The following KCNN2 variants were observed in gnomAD, a reference collection of about 807,000 sequenced individuals.
KCNN2 encodes potassium calcium-activated channel subfamily N member 2.
KCNN2 carries 24 observed loss-of-function variants against 55.5 expected under a neutral mutation model. The observed-to-expected ratio is 0.43, with a 90% CI of 0.31 to 0.61. The LOEUF (loss-of-function observed/expected upper bound fraction) is 0.61, where lower values mean the gene tolerates loss of function less well. KCNN2 is among the 20% of genes least tolerant of loss of function. The pLI is 0.08. For synonymous variants in KCNN2, 431 were observed against 336.1 expected, an observed-to-expected ratio of 1.28 and a Z score of -3.09; for missense variants, 754 against 853.6, an observed-to-expected ratio of 0.88 and a Z score of 1.45.
Position 114,241,774 on chromosome 5 carries a change from A to ATGTGTG in KCNN2, c.-185+20209_-185+20210insTGTGTG, listed in dbSNP as rs1561537133. Among the ~76,000 whole-genome samples, 4 of 14,560 alleles carry ATGTGTG rather than the reference A, an allele frequency of 2.7e-4. 1 individual carries two copies. Among genetic ancestry groups the ATGTGTG allele is most frequent in the African/African-American group, 9.1e-4 (3 of 3,310 alleles). 9.6% of individuals were successfully genotyped at this position (14,560 alleles called of 152,430 possible). A position where few individuals can be genotyped will look rare whatever the true frequency, so the allele number is the denominator to read the frequency against. On this transcript the variant is annotated intron_variant, in intron 2 of 10. Coordinates refer to the KCNN2 transcript ENST00000512097. ...TATGTATATATATACGTATATATAT[A>ATGTGTG]CATATATACGTATATATATGTATAT...
chr5:114,485,327 G>A (rs1308490830), intron 5 of KCNN2, among the ~76,000 whole-genome samples: 1 of 152,124 alleles, frequency 6.6e-6, no homozygotes, highest in African/African-American at 2.4e-5. Flanking sequence ...GGTATCTACA[G>A]TTGCTTAGAG....
intron 5 of KCNN2, among the ~76,000 whole-genome samples, chr5:114,482,516 T>A: frequency 6.6e-6 from 1 of 152,142 alleles, no homozygotes; most frequent in East Asian, 1.9e-4. Flanking sequence ...CCCAGCAATC[T>A]CATTACTGGG....
chr5:114,137,137 C>G (rs1044685690), intron 1 of KCNN2, among the ~76,000 whole-genome samples: 1 of 152,150 alleles, frequency 6.6e-6, no homozygotes, highest in Non-Finnish European at 1.5e-5. Flanking sequence ...AGTCCTCCCC[C>G]TACGCTCCCT....
In KCNN2 at chr5:114,068,453, C is replaced by A. The variant is rs182597513; in HGVS notation, c.-271+11953C>A. Among the ~76,000 whole-genome samples the A allele has an allele frequency of 6.6e-5, 10 of 152,306 alleles. No individual in the cohort carries two copies. The East Asian group carries it at 1.7e-3, about 26-fold the overall frequency. Reference sequence around the variant, plus strand: ...TATTCACTATTTCAGATCAGCTTAGCCCTGTCTACACCTTGGCCTCACATT... The same window carrying A: ...TATTCACTATTTCAGATCAGCTTAGACCTGTCTACACCTTGGCCTCACATT... On this transcript the variant is annotated intron_variant, in intron 1 of 10. Transcript: ENST00000512097.
intron 2 of KCNN2, among the ~76,000 whole-genome samples, chr5:114,390,355 G>T (rs1037127258): frequency 6.6e-6 from 1 of 152,068 alleles, no homozygotes; most frequent in East Asian, 1.9e-4. Context: ...ACTGACCATG[G>T]AGGAACTTTG....
intron 2 of KCNN2, among the ~76,000 whole-genome samples, chr5:114,231,873 C>T (rs925883563): frequency 6.7e-6 from 1 of 149,856 alleles, no homozygotes; most frequent in Non-Finnish European, 1.5e-5. Context: ...CTGTTAAAAC[C>T]TTCTACTTGG....
At chr5:114,288,506 A>ACACACG (rs1755807584) in intron 2 of KCNN2, among the ~76,000 whole-genome samples, 1 of 150,252 alleles carries the variant, frequency 6.7e-6, no homozygotes, top group African/African-American at 2.5e-5. Context: ...ATATACACAC[A>ACACACG]CACACACACA....
chr5:114,162,032 C>T (rs1310006079), intron 1 of KCNN2, among the ~76,000 whole-genome samples: 2 of 152,200 alleles, frequency 1.3e-5, no homozygotes, highest in African/African-American at 2.4e-5. Context: ...CAGCTTTGTT[C>T]CATTGCTGGT....
chr5:114,281,057 T>C (rs1755614009), intron 2 of KCNN2, among the ~76,000 whole-genome samples: 1 of 152,206 alleles, frequency 6.6e-6, no homozygotes, highest in Non-Finnish European at 1.5e-5. Context: ...TTCAGGTCAG[T>C]GCTCAAATAC....
intron 2 of KCNN2, among the ~76,000 whole-genome samples, chr5:114,333,199 G>A (rs1340172902): frequency 6.6e-6 from 1 of 152,194 alleles, no homozygotes; most frequent in East Asian, 1.9e-4. Context: ...GGAATGTGAA[G>A]ATAAAACACG....
At chr5:114,144,008 G>A (rs1752345183) in intron 1 of KCNN2, among the ~76,000 whole-genome samples, 1 of 152,144 alleles carries the variant, frequency 6.6e-6, no homozygotes, top group Admixed American at 6.6e-5. Flanking sequence ...ATTGAATGGT[G>A]TTGAGATTAG....
At chr5:114,316,346 C>T (rs565138481) in intron 2 of KCNN2, among the ~76,000 whole-genome samples, 109 of 152,290 alleles carry the variant, frequency 7.2e-4, no homozygotes, top group Non-Finnish European at 1.3e-3. Context: ...GGAGCCCCCT[C>T]CTGGCCCCTG....
chr5:114,490,734 A>G (rs1190990839), intron 6 of KCNN2: 4 of 398,044 alleles, frequency 1.0e-5, no homozygotes, highest in African/African-American at 8.2e-5. Flanking sequence ...CAACATTTGC[A>G]GAATTTTCTA....
chr5:114,329,564 G>A (rs748188986), intron 2 of KCNN2, among the ~76,000 whole-genome samples: 3 of 152,180 alleles, frequency 2.0e-5, no homozygotes, highest in Middle Eastern at 3.4e-3. Context: ...TCGGGCCTTC[G>A]GTCACAGACT....
At chr5:114,154,452 A>G (rs2112521750) in intron 1 of KCNN2, among the ~76,000 whole-genome samples, 1 of 152,264 alleles carries the variant, frequency 6.6e-6, no homozygotes, top group South Asian at 2.1e-4. Context: ...AGCAGGATGG[A>G]AACCAGAGAC....
rs537012750 is a variant in KCNN2, at chr5:114,098,687, A to G, written c.-271+42187A>G. On this transcript the variant is annotated intron_variant, in intron 1 of 10. Transcript: ENST00000512097. ...CAAAAAGGTTGGGGACCGCTGGTCT[A>G]CCACACTTCTCTTTTATGGAGGATT... Among the ~76,000 whole-genome samples the G allele has an allele frequency of 2.1e-4, 32 of 152,188 alleles. 1 individual carries two copies. The South Asian group carries it at 5.8e-3, about 28-fold the overall frequency.
intron 2 of KCNN2, among the ~76,000 whole-genome samples, chr5:114,299,679 C>G (rs1302192829): frequency 1.3e-5 from 2 of 152,150 alleles, no homozygotes; most frequent in Non-Finnish European, 2.9e-5. Context: ...GCAACCACTG[C>G]TTATAGCTCT....
At chr5:114,365,501 T>G (rs1413555094) in intron 2 of KCNN2, among the ~76,000 whole-genome samples, 2 of 152,158 alleles carry the variant, frequency 1.3e-5, no homozygotes, top group Admixed American at 1.3e-4. Context: ...CAAAATAGGT[T>G]TAATGGTCCT....
At chr5:114,130,160 A>C (rs1298541937) in intron 1 of KCNN2, among the ~76,000 whole-genome samples, 1 of 152,222 alleles carries the variant, frequency 6.6e-6, no homozygotes, top group Non-Finnish European at 1.5e-5. Flanking sequence ...CATAGAGTTT[A>C]ATAAATATAT....
Sources: allele counts gnomAD v4.1 joint callset (sites outside exome capture counted in the v4.1 genomes callset), GRCh38; gene constraint gnomAD v4.1.1; transcripts MANE v1.5; gene names NCBI Gene and HGNC (gene_info 2026-07-23, HGNC 2026-07-21).